Variants in LRRC18 observed in about 807,000 individuals in gnomAD.
The protein encoded by LRRC18 is leucine rich repeat containing 18.
LRRC18 carries 12 observed loss-of-function variants against 11.2 expected under a neutral mutation model. The observed-to-expected ratio is 1.07, with a 90% confidence interval of 0.69 to 1.74. The LOEUF (loss-of-function observed/expected upper bound fraction) is 1.74, where lower values mean the gene tolerates loss of function less well. Ranked by LOEUF, LRRC18 falls within the 40% of genes most tolerant of loss-of-function variation. The pLI is 0.00. For missense variants in LRRC18, 374 were observed against 330.5 expected, an observed-to-expected ratio of 1.13 and a Z score of -1.02; for synonymous variants, 155 against 130.6, an observed-to-expected ratio of 1.19 and a Z score of -1.27.
At position 48,913,733 on chromosome 10, in the gene LRRC18, C is replaced by T. The variant is rs141564578; in HGVS notation, c.423G>A (p.Gly141=). 1.0e-3 allele frequency: 1,619 copies of T among 1,613,268 alleles called. 17 individuals are homozygous for T. In the East Asian group the frequency reaches 0.016, roughly 16 times the overall value. ...CTACCTCGTGGAGCTCCTTCAGGGC[C>T]CCCAGTGTGGTGGGCACGCTGTCCA... Residue 141 remains glycine, a synonymous_variant, in exon 1 of 2, where the codon GGG becomes GGA. Coordinates refer to ENST00000374160, the Ensembl canonical transcript of LRRC18.
upstream of LRRC18, among the ~76,000 whole-genome samples, chr10:48,914,869 G>T (rs558075639): frequency 2.6e-5 from 4 of 152,168 alleles, no homozygotes; most frequent in African/African-American, 9.7e-5. Flanking sequence ...GAGCACACAG[G>T]GGGATGGGGG....
the LRRC18 span, among the ~76,000 whole-genome samples, chr10:48,928,361 T>TGTGTGTGTGTGG: frequency 7.4e-6 from 1 of 135,602 alleles, no homozygotes; most frequent in Non-Finnish European, 1.6e-5. Context: ...GACGTGTGTG[T>TGTGTGTGTGTGG]GTGTGTGTGT....
At chr10:48,932,323 A>G in the LRRC18 span, among the ~76,000 whole-genome samples, 5 of 152,218 alleles carry the variant, frequency 3.3e-5, no homozygotes, top group African/African-American at 1.2e-4. Context: ...CTGGTCAGGA[A>G]TCTCAGATGG....
upstream of LRRC18, among the ~76,000 whole-genome samples, chr10:48,915,616 T>C (rs60337852): frequency 0.012 from 1,818 of 152,232 alleles, 24 homozygotes; most frequent in African/African-American, 0.031. Context: ...TGTGGGAATA[T>C]AGTTGTATGT....
At chr10:48,925,279 G>T in the LRRC18 span, among the ~76,000 whole-genome samples, 5 of 152,184 alleles carry the variant, frequency 3.3e-5, no homozygotes, top group African/African-American at 1.2e-4. Context: ...GAATGGTCAT[G>T]CTCCCTCTAA....
the LRRC18 span, among the ~76,000 whole-genome samples, chr10:48,925,002 C>G: frequency 6.6e-6 from 1 of 152,166 alleles, no homozygotes; most frequent in Admixed American, 6.5e-5. Context: ...AACTGAAACC[C>G]CCATAGACAC....
At chr10:48,937,108 G>T in the LRRC18 span, among the ~76,000 whole-genome samples, 3 of 151,956 alleles carry the variant, frequency 2.0e-5, no homozygotes, top group Non-Finnish European at 4.4e-5. Flanking sequence ...TGGCTAGGCT[G>T]GTCTCGAACT....
At chr10:48,910,857 G>A (rs527927412) in intron 1 of LRRC18, 17 of 965,258 alleles carry the variant, frequency 1.8e-5, no homozygotes, top group East Asian at 1.1e-4. Flanking sequence ...AAGGGAGGAC[G>A]TGGACCAGCA....
chr10:48,938,665 G>A, the LRRC18 span, among the ~76,000 whole-genome samples: 1 of 152,212 alleles, frequency 6.6e-6, no homozygotes, highest in Non-Finnish European at 1.5e-5. Context: ...GTGGGGTAGG[G>A]AAGGCCCTAA....
chr10:48,913,507 C>T (rs774471606), exon 1 of LRRC18: 30 of 1,613,744 alleles, frequency 1.9e-5, no homozygotes, highest in African/African-American at 6.7e-5. Context: ...TTGTCCCGGG[C>T]GTTTTGGCAT....
At chr10:48,933,197 C>A in the LRRC18 span, among the ~76,000 whole-genome samples, 499 of 152,264 alleles carry the variant, frequency 3.3e-3, 6 homozygotes, top group African/African-American at 0.012. Flanking sequence ...GACCAGGCAA[C>A]GAGAAAACCC....
chr10:48,929,333 C>T, the LRRC18 span, among the ~76,000 whole-genome samples: 1 of 152,174 alleles, frequency 6.6e-6, no homozygotes, highest in South Asian at 2.1e-4. Context: ...GAGGCTGGTA[C>T]CAGGCATGGG....
chr10:48,926,768 T>C, the LRRC18 span, among the ~76,000 whole-genome samples: 1 of 152,190 alleles, frequency 6.6e-6, no homozygotes, highest in African/African-American at 2.4e-5. Context: ...AGCTTGGTAA[T>C]TGACAATGAA....
intron 1 of LRRC18, among the ~76,000 whole-genome samples, chr10:48,910,617 A>G (rs1837911349): frequency 6.6e-6 from 1 of 152,178 alleles, no homozygotes; most frequent in African/African-American, 2.4e-5. Context: ...TTCCTGGCTA[A>G]AGAGGTGTCT....
the LRRC18 span, among the ~76,000 whole-genome samples, chr10:48,920,048 A>G: frequency 6.6e-6 from 1 of 152,224 alleles, no homozygotes; most frequent in African/African-American, 2.4e-5. Context: ...AGTAAAAAGA[A>G]TATAAATGAC....
chr10:48,926,584 GA>G, the LRRC18 span, among the ~76,000 whole-genome samples: 2 of 152,170 alleles, frequency 1.3e-5, no homozygotes, highest in East Asian at 3.8e-4. Flanking sequence ...GGTCCCTGAA[GA>G]AATCATTTCA....
chr10:48,910,346 A>C, intron 1 of LRRC18, 88 bp from the exon 4 acceptor site: 1 of 1,163,114 alleles, frequency 8.6e-7, no homozygotes, highest in South Asian at 1.2e-5. Flanking sequence ...CAGCTCACCA[A>C]GGTCATGCCT....
chr10:48,920,129 A>AG, the LRRC18 span, among the ~76,000 whole-genome samples: 1 of 152,230 alleles, frequency 6.6e-6, no homozygotes, highest in East Asian at 1.9e-4. Context: ...AAAAGAAAAA[A>AG]AAAAGATCTT....
chr10:48,930,439 T>C, the LRRC18 span, among the ~76,000 whole-genome samples: 2 of 152,178 alleles, frequency 1.3e-5, no homozygotes, highest in African/African-American at 4.8e-5. Context: ...TGAGAACAAG[T>C]GCACTATGGG....
Sources: gnomAD v4.1 joint callset for allele counts (sites outside exome capture counted in the v4.1 genomes callset) on GRCh38, gnomAD v4.1.1 for gene constraint, MANE v1.5 for transcripts, NCBI Gene and HGNC (gene_info 2026-07-23, HGNC 2026-07-21) for gene names.